The following CSMD1 variants were observed in gnomAD, a reference collection of about 807,000 sequenced individuals.
The protein encoded by CSMD1 is CUB and Sushi multiple domains 1.
CSMD1 carries 213 observed loss-of-function variants against 417.5 expected under a neutral mutation model. The ratio of observed to expected loss-of-function variants is 0.51; its 90% CI spans 0.46 to 0.57. The LOEUF is 0.57. Among genes scored for constraint, CSMD1 ranks in the 20% least tolerant of loss-of-function variants. CSMD1 has a pLI of 0.00. For synonymous variants in CSMD1, 2,862 were observed against 1,736.8 expected (o/e 1.65, Z -16.11); for missense variants, 6,923 against 4,529.7 (o/e 1.53, Z -15.17).
chr8:4,876,245 G>C (rs1803035998), intron 1 of CSMD1, among the ~76,000 whole-genome samples: 1 of 151,958 alleles, frequency 6.6e-6, no homozygotes, highest in African/African-American at 2.4e-5. Context: ...TGCTACTGTG[G>C]TATAATATTA....
At chr8:4,823,083 A>C (rs529491792) in intron 1 of CSMD1, among the ~76,000 whole-genome samples, 1 of 152,072 alleles carries the variant, frequency 6.6e-6, no homozygotes, top group Non-Finnish European at 1.5e-5. Context: ...ATTTATTTTA[A>C]GTGATGTCTT....
At chr8:3,858,537 G>A (rs1319609019) in intron 5 of CSMD1, among the ~76,000 whole-genome samples, 1 of 152,160 alleles carries the variant, frequency 6.6e-6, no homozygotes, top group Admixed American at 6.5e-5. Context: ...AAAGTGCATA[G>A]AGCAAGGTGT....
chr8:3,221,872 T>C (rs534857200), intron 28 of CSMD1, among the ~76,000 whole-genome samples: 2 of 152,066 alleles, frequency 1.3e-5, no homozygotes, highest in East Asian at 3.9e-4. Flanking sequence ...TCTTTGCCTT[T>C]ACCATTAGTA....
At chr8:3,323,052 A>T (rs1806258482) in intron 23 of CSMD1, among the ~76,000 whole-genome samples, 1 of 152,194 alleles carries the variant, frequency 6.6e-6, no homozygotes, top group Non-Finnish European at 1.5e-5. Context: ...AATTCAAGTC[A>T]TCACTGTCCT....
At chr8:3,761,431 C>A (rs1162315624) in intron 5 of CSMD1, among the ~76,000 whole-genome samples, 3 of 151,690 alleles carry the variant, frequency 2.0e-5, no homozygotes, top group African/African-American at 4.8e-5. Flanking sequence ...AATAAAAAAA[C>A]CCATATGGTA....
intron 3 of CSMD1, among the ~76,000 whole-genome samples, chr8:4,346,362 G>A (rs571590205): frequency 9.2e-5 from 14 of 152,222 alleles, no homozygotes; most frequent in South Asian, 6.2e-4. Context: ...ATTTCCATAC[G>A]ATCTGCGGCT....
At chr8:3,087,731 T>C (rs1357448530) in intron 48 of CSMD1, among the ~76,000 whole-genome samples, 2 of 152,222 alleles carry the variant, frequency 1.3e-5, no homozygotes, top group African/African-American at 4.8e-5. Context: ...TCCTGCGCTG[T>C]ATGCAGCCCA....
chr8:3,500,302 C>T (rs1369946513), intron 10 of CSMD1, among the ~76,000 whole-genome samples: 1 of 152,110 alleles, frequency 6.6e-6, no homozygotes, highest in East Asian at 1.9e-4. Context: ...TCTAGCTAGA[C>T]ATCTCGATGT....
intron 6 of CSMD1, among the ~76,000 whole-genome samples, chr8:3,752,183 G>C (rs774890815): frequency 4.1e-4 from 62 of 152,126 alleles, no homozygotes; most frequent in Non-Finnish European, 5.3e-4. Flanking sequence ...GGCAGATATG[G>C]GGAGGTATGG....
In CSMD1 at chr8:4,369,689, G is replaced by A. The variant is rs186443946; in HGVS notation, c.415+50264C>T. Among the ~76,000 whole-genome samples the A allele has an allele frequency of 4.5e-4, 69 of 152,212 alleles. 1 individual carries two copies. The highest frequency in any genetic ancestry group is 7.5e-4 in the African/African-American group (31 of 41,556). ...GTTGAGTTGAGCCCTTTATCATTAC[G>A]TAATGCCCTTGTCTTTTTTTATTGT... On this transcript the variant is annotated intron_variant, in intron 3 of 69. Transcript: ENST00000635120.
Position 4,589,652 on chromosome 8 carries a change from G to C in CSMD1, c.302+47690C>G, listed in dbSNP as rs188320960. The stretch of plus-strand genomic sequence containing the variant: ...ACAATACTATTAGGCAAGTGTGTTT[G>C]CACTGTGAAGACCAAGCAAAAATAA... On this transcript the variant is annotated intron_variant, in intron 2 of 69. Coordinates refer to ENST00000635120, the MANE Select transcript of CSMD1 (RefSeq NM_033225.6). 2.1e-3 allele frequency among the ~76,000 whole-genome samples: 317 copies of C among 152,232 alleles called. 3 individuals carry two copies. The highest frequency in any genetic ancestry group is 6.9e-3 in the African/African-American group (285 of 41,538).
At chr8:3,097,422 A>G (rs1446320878) in intron 46 of CSMD1, among the ~76,000 whole-genome samples, 2 of 151,392 alleles carry the variant, frequency 1.3e-5, no homozygotes, top group Non-Finnish European at 1.5e-5. Flanking sequence ...ATAAGAAAAG[A>G]AAACTCATAT....
chr8:4,672,883 C>T (rs1029676814), intron 1 of CSMD1, among the ~76,000 whole-genome samples: 3 of 152,086 alleles, frequency 2.0e-5, no homozygotes, highest in African/African-American at 7.2e-5. Flanking sequence ...ACATGGAGCA[C>T]ACCGAAACAT....
chr8:4,580,605 G>T (rs944222749), intron 2 of CSMD1, among the ~76,000 whole-genome samples: 1 of 151,948 alleles, frequency 6.6e-6, no homozygotes, highest in African/African-American at 2.4e-5. Flanking sequence ...ACCCATAACT[G>T]CTCTCTCCCC....
intron 3 of CSMD1, among the ~76,000 whole-genome samples, chr8:4,270,413 G>T (rs769658197): frequency 6.6e-6 from 1 of 151,888 alleles, no homozygotes; most frequent in Non-Finnish European, 1.5e-5. Flanking sequence ...CACTTGCCTT[G>T]GCTCTTCTAC....
At chr8:4,892,144 C>T (rs1007908218) in intron 1 of CSMD1, among the ~76,000 whole-genome samples, 2 of 152,050 alleles carry the variant, frequency 1.3e-5, no homozygotes, top group Admixed American at 6.5e-5. Flanking sequence ...CATTTGTCAC[C>T]TGCAATTTGA....
chr8:4,389,549 GT>G (rs1219650792), intron 3 of CSMD1, among the ~76,000 whole-genome samples: 2 of 152,034 alleles, frequency 1.3e-5, no homozygotes, highest in African/African-American at 2.4e-5. Flanking sequence ...ACACTAAAAT[GT>G]TAATTTATCA....
chr8:4,555,485 G>A (rs1196868578), intron 2 of CSMD1, among the ~76,000 whole-genome samples: 1 of 152,128 alleles, frequency 6.6e-6, no homozygotes, highest in African/African-American at 2.4e-5. Context: ...AACAGGTGAA[G>A]CTAGCCTTCC....
chr8:4,397,406 A>G (rs1408533947), intron 3 of CSMD1, among the ~76,000 whole-genome samples: 2 of 152,164 alleles, frequency 1.3e-5, no homozygotes, highest in African/African-American at 4.8e-5. Flanking sequence ...ACTTCATTCA[A>G]AATAAGAAAT....
Sources: allele counts gnomAD v4.1 joint callset (sites outside exome capture counted in the v4.1 genomes callset), GRCh38; gene constraint gnomAD v4.1.1; transcripts MANE v1.5; gene names NCBI Gene and HGNC (gene_info 2026-07-23, HGNC 2026-07-21).